SP140: variants seen among roughly 807,000 people sequenced by gnomAD.
SP140 encodes the protein nuclear body protein SP140.
In SP140, 81 loss-of-function variants were observed where a neutral mutation model predicts 125.0. The observed-to-expected ratio is 0.65, with a 90% CI of 0.54 to 0.78. The LOEUF (loss-of-function observed/expected upper bound fraction) is 0.78, where lower values mean the gene tolerates loss of function less well. SP140 is among the 30% of genes least tolerant of loss of function. The probability of loss-of-function intolerance (pLI) is 0.00; values close to 1 mark genes in which losing one functional copy is unlikely to be tolerated. For missense variants in SP140, 858 were observed against 1,037.0 expected (o/e 0.83, Z 2.37); for synonymous variants, 312 against 354.0 (o/e 0.88, Z 1.33).
chr2:230,228,312 T>C (rs923609434), intron 1 of SP140, among the ~76,000 whole-genome samples: 4 of 152,204 alleles, frequency 2.6e-5, no homozygotes, highest in Non-Finnish European at 4.4e-5. Context: ...CAAAATGAAG[T>C]ACATCTTGGC....
downstream of SP140, among the ~76,000 whole-genome samples, chr2:230,313,998 C>A (rs1394213348): frequency 6.6e-6 from 1 of 152,138 alleles, no homozygotes; most frequent in Non-Finnish European, 1.5e-5. Flanking sequence ...GGAGAAGAGA[C>A]CCTCATACAC....
At chr2:230,280,363 C>T (rs74480786) in intron 15 of SP140, among the ~76,000 whole-genome samples, 13,604 of 152,186 alleles carry the variant, frequency 0.089, 817 homozygotes, top group East Asian at 0.12. Flanking sequence ...TTTCCACTCA[C>T]TTTATGTGAT....
At chr2:230,262,279 C>T (rs182264628) in intron 12 of SP140, among the ~76,000 whole-genome samples, 2 of 152,136 alleles carry the variant, frequency 1.3e-5, no homozygotes, top group East Asian at 1.9e-4. Context: ...TTGTATTTCA[C>T]TGGTGTCAGT....
At chr2:230,226,565 C>A (rs2046394423) in intron 1 of SP140, among the ~76,000 whole-genome samples, 1 of 152,074 alleles carries the variant, frequency 6.6e-6, no homozygotes, top group Non-Finnish European at 1.5e-5. Context: ...GACAATGAGA[C>A]CAGTCTGACC....
chr2:230,216,048 T>C (rs1252505183), intron 3 of SP140, among the ~76,000 whole-genome samples: 2 of 152,144 alleles, frequency 1.3e-5, no homozygotes, highest in Non-Finnish European at 1.5e-5. Flanking sequence ...ACCAAAATTA[T>C]ATAAAAATAG....
the SP140 span, among the ~76,000 whole-genome samples, chr2:230,197,484 T>C: frequency 1.3e-5 from 2 of 148,840 alleles, no homozygotes; most frequent in African/African-American, 4.9e-5. Context: ...TTTCTCCCAT[T>C]TTGTAGGTTG....
Position 230,243,776 on chromosome 2 carries a change from A to G in SP140, c.536A>G (p.Gln179Arg). ...GAAATGGATGATATAGCAGTGCCTC[A>G]GGAAGCCTTGAGCTCCTCGCCAAGG... ...CHEMDDIAVP[Q>R]EALSSSPRCE... The change falls in exon 5 of 27, where the codon CAG (glutamine) becomes CGG (arginine). Residue 179 changes from glutamine to arginine, a missense_variant. Around this residue, in one of 4 missense-constraint regions of SP140, gnomAD observed 791 missense variants for 869.5 expected, o/e 0.91. Transcript: ENST00000392045. The G allele has an allele frequency of 2.3e-5, 37 of 1,613,232 alleles. No homozygotes were observed. The highest frequency in any genetic ancestry group is 3.1e-5 in the Non-Finnish European group (36 of 1,179,478).
upstream of SP140, chr2:230,200,766 G>T (rs1209597439): frequency 5.0e-6 from 4 of 798,820 alleles, no homozygotes; most frequent in East Asian, 9.9e-5. Context: ...ATCCAGAAGG[G>T]CTCTCTAGCA....
rs1396009114 is a variant in SP140 at position 230,269,596 on chromosome 2, C to A, written c.1305C>A (p.Ser435Arg). The A allele has an allele frequency of 6.3e-7, 1 of 1,589,892 alleles. No homozygotes were observed. Among genetic ancestry groups the A allele is most frequent in the South Asian group, 1.1e-5 (1 of 88,554 alleles). Residue 435 changes from serine to arginine, a missense_variant, in exon 13 of 27, where the codon AGC becomes AGA. Physicochemically the swap from Ser to Arg is moderately radical, Grantham distance 110. Coordinates refer to ENST00000392045, the MANE Select transcript of SP140 (RefSeq NM_007237.5). ...EEGESEELAS[S>R]LLYDNVPGAE... ...GAGAATCAGAAGAGCTTGCTTCTAG[C>A]CTGCTATATGATAATGTACCAGGTA... is the stretch of plus-strand genomic sequence containing the variant.
At chr2:230,267,009 A>G (rs2053225452) in intron 12 of SP140, among the ~76,000 whole-genome samples, 1 of 152,218 alleles carries the variant, frequency 6.6e-6, no homozygotes, top group Non-Finnish European at 1.5e-5. Flanking sequence ...GGATTAGGGA[A>G]AGAAATATTT....
chr2:230,187,744 A>G, the SP140 span, among the ~76,000 whole-genome samples: 1 of 152,184 alleles, frequency 6.6e-6, no homozygotes, highest in Non-Finnish European at 1.5e-5. Flanking sequence ...TTTATTAAAT[A>G]TGGTGTCATT....
intron 10 of SP140, among the ~76,000 whole-genome samples, chr2:230,252,864 G>T (rs61575136): frequency 0.14 from 21,424 of 151,858 alleles, 1,558 homozygotes; most frequent in African/African-American, 0.18. Flanking sequence ...AGAAGCCCAA[G>T]GAGTTCTGCA....
At chr2:230,281,820 C>A (rs190440912) in intron 15 of SP140, among the ~76,000 whole-genome samples, 1 of 152,046 alleles carries the variant, frequency 6.6e-6, no homozygotes, top group African/African-American at 2.4e-5. Context: ...ATGGACACCT[C>A]GAGTTTTTTA....
intron 20 of SP140, among the ~76,000 whole-genome samples, chr2:230,293,303 T>C (rs192367069): frequency 3.3e-5 from 5 of 152,304 alleles, no homozygotes; most frequent in Admixed American, 3.3e-4. Flanking sequence ...TGAAATCTTC[T>C]AGGATTGGAA....
intron 3 of SP140, among the ~76,000 whole-genome samples, chr2:230,214,390 G>A (rs1461136818): frequency 2.0e-5 from 3 of 152,126 alleles, no homozygotes; most frequent in Non-Finnish European, 4.4e-5. Flanking sequence ...GGTATTGGGA[G>A]ACCCAAGTAG....
At chr2:230,246,479 G>A (rs184330975) in intron 7 of SP140, among the ~76,000 whole-genome samples, 25 of 151,990 alleles carry the variant, frequency 1.6e-4, no homozygotes, top group African/African-American at 4.8e-5. Flanking sequence ...TTATTTTCTC[G>A]AGGTTATGCC....
At chr2:230,245,593 C>T (rs536872663) in intron 6 of SP140, among the ~76,000 whole-genome samples, 3 of 151,858 alleles carry the variant, frequency 2.0e-5, no homozygotes, top group Non-Finnish European at 4.4e-5. Context: ...GAGAGGAAGT[C>T]AAGTCAAAGA....
At position 230,248,868 on chromosome 2, in the gene SP140, TTCTTGTTTA is replaced by T; in HGVS notation, c.893-13_893-5del. The T allele has an allele frequency of 6.2e-7, 1 of 1,603,698 alleles. No homozygotes were observed. The highest frequency in any genetic ancestry group is 8.5e-7 in the Non-Finnish European group (1 of 1,170,836). On this transcript the variant is annotated splice_region_variant and splice_polypyrimidine_tract_variant and intron_variant, in intron 8 of 26. Coordinates refer to ENST00000392045, the MANE Select transcript of SP140 (RefSeq NM_007237.5). The stretch of plus-strand genomic sequence containing the variant: ...AAGTCACCCTCTGTGGTCTGTCAAT[TTCTTGTTTA>T]TCTGCAGAGACCTTTGATCTAAAAA...
chr2:230,285,750 A>G lies in SP140; in HGVS notation c.1565-2A>G, dbSNP rs780389741. Reference sequence around the variant, plus strand: ...AATACATTTTCCCCTGCCTATCCCCAGATAATAGCAAAGCCGACGGCCAGG... The same window carrying G: ...AATACATTTTCCCCTGCCTATCCCCGGATAATAGCAAAGCCGACGGCCAGG... On this transcript the variant is annotated splice_acceptor_variant, in intron 16 of 26. Coordinates refer to ENST00000392045, the MANE Select transcript of SP140 (RefSeq NM_007237.5). LOFTEE classifies it high-confidence loss of function. The G allele has an allele frequency of 4.3e-6, 7 of 1,612,408 alleles. No homozygotes were observed. Among genetic ancestry groups the G allele is most frequent in the African/African-American group, 1.3e-5 (1 of 74,866 alleles).
Sources: gnomAD v4.1 joint callset for allele counts (sites outside exome capture counted in the v4.1 genomes callset) on GRCh38, gnomAD v4.1.1 for gene constraint, gnomAD v4.1.1 regional missense constraint, MANE v1.5 for transcripts, NCBI Gene and HGNC (gene_info 2026-07-23, HGNC 2026-07-21) for gene names.